NOL4: variants seen among roughly 807,000 people sequenced by gnomAD.
The protein encoded by NOL4 is nucleolar protein 4.
A neutral mutation model predicts 75.9 loss-of-function variants in NOL4; 17 were observed. That is an observed-to-expected ratio of 0.22 (90% CI 0.15 to 0.34). The LOEUF (loss-of-function observed/expected upper bound fraction) is 0.34. NOL4 is among the 10% of genes least tolerant of loss of function. NOL4 has a pLI of 1.00. For synonymous variants in NOL4, 292 were observed against 289.9 expected (o/e 1.01, Z -0.07); for missense variants, 614 against 793.5 (o/e 0.77, Z 2.72).
At chr18:33,953,105 G>A (rs998328810) in intron 8 of NOL4, among the ~76,000 whole-genome samples, 2 of 151,738 alleles carry the variant, frequency 1.3e-5, no homozygotes, top group Non-Finnish European at 2.9e-5. Flanking sequence ...ATTCTAGGTA[G>A]GAAGGGAAAG....
At chr18:33,942,302 T>A (rs944335361) in intron 9 of NOL4, among the ~76,000 whole-genome samples, 4 of 151,906 alleles carry the variant, frequency 2.6e-5, no homozygotes, top group Non-Finnish European at 5.9e-5. Flanking sequence ...GAATATTTAG[T>A]ATATCATGTG....
chr18:34,080,330 A>C (rs188957810), intron 5 of NOL4, among the ~76,000 whole-genome samples: 1 of 152,328 alleles, frequency 6.6e-6, no homozygotes, highest in African/African-American at 2.4e-5. Flanking sequence ...ATTACATATC[A>C]TCTGCAAGAT....
intron 1 of NOL4, among the ~76,000 whole-genome samples, chr18:34,175,070 G>A (rs4450476): frequency 0.2 from 30,602 of 152,060 alleles, 3,260 homozygotes; most frequent in Middle Eastern, 0.24. Flanking sequence ...TCATTCTACT[G>A]TAAAGAACAC....
rs77497108 is a variant in NOL4 at position 34,118,330 on chromosome 18, T to C, written c.414+11541A>G. Among the ~76,000 whole-genome samples the C allele has an allele frequency of 3.3e-3, 500 of 152,288 alleles. 5 individuals carry two copies. Among genetic ancestry groups the C allele is most frequent in the African/African-American group, 0.012 (482 of 41,584 alleles). ...TCATGGATAAAGAATAAATTAGAAATAATCTCCTAGTGAAATTTTTTTATC... is the reference window on the plus strand; with the variant it reads ...TCATGGATAAAGAATAAATTAGAAACAATCTCCTAGTGAAATTTTTTTATC... On this transcript the variant is annotated intron_variant, in intron 2 of 10. Coordinates refer to ENST00000261592, the MANE Select transcript of NOL4 (RefSeq NM_003787.5).
intron 5 of NOL4, among the ~76,000 whole-genome samples, chr18:34,058,447 C>A (rs923526127): frequency 6.6e-6 from 1 of 152,100 alleles, no homozygotes; most frequent in African/African-American, 2.4e-5. Flanking sequence ...TTATTTCTAA[C>A]TCTTTGTTTT....
At chr18:34,161,067 G>T (rs1016505946) in intron 1 of NOL4, among the ~76,000 whole-genome samples, 5 of 152,110 alleles carry the variant, frequency 3.3e-5, no homozygotes, top group Non-Finnish European at 5.9e-5. Flanking sequence ...AGAATACGTG[G>T]TATTTATCTT....
In NOL4 at chr18:34,217,938, A is replaced by G. The variant is rs1201318601; in HGVS notation, c.264+5052T>C. Among the ~76,000 whole-genome samples the G allele has an allele frequency of 4.6e-5, 7 of 152,246 alleles. 1 individual carries two copies. The East Asian group carries it at 1.4e-3, about 29-fold the overall frequency. On this transcript the variant is annotated intron_variant, in intron 1 of 10. Transcript: ENST00000261592. ...CAGAACTCCAGTAAACGTCAGAGCC[A>G]GGATTTAAATTGTGCTGTAAAATCA... is the stretch of plus-strand genomic sequence containing the variant.
chr18:34,072,138 G>A (rs1464758135), intron 5 of NOL4, among the ~76,000 whole-genome samples: 3 of 152,084 alleles, frequency 2.0e-5, no homozygotes, highest in East Asian at 1.9e-4. Context: ...GGCTAAGGCA[G>A]GAGAATCGCC....
chr18:33,938,734 C>T (rs2145512904), intron 9 of NOL4, among the ~76,000 whole-genome samples: 1 of 152,228 alleles, frequency 6.6e-6, no homozygotes, highest in East Asian at 1.9e-4. Flanking sequence ...GTTGCTTGTT[C>T]ACTCTGATGA....
chr18:34,203,713 T>TCACACACA (rs1408909635), intron 1 of NOL4, among the ~76,000 whole-genome samples: 13 of 62,686 alleles, frequency 2.1e-4, no homozygotes, highest in South Asian at 1.4e-3. Flanking sequence ...TCTCTCTCTC[T>TCACACACA]CTCTCACACA....
chr18:33,932,224 AT>A (rs1568082745), intron 9 of NOL4, among the ~76,000 whole-genome samples: 2 of 151,990 alleles, frequency 1.3e-5, no homozygotes, highest in Non-Finnish European at 2.9e-5. Flanking sequence ...TTTTATATAT[AT>A]TTTTTAATTG....
At chr18:33,887,229 A>G (rs1279704450) in intron 9 of NOL4, among the ~76,000 whole-genome samples, 1 of 149,954 alleles carries the variant, frequency 6.7e-6, no homozygotes, top group Non-Finnish European at 1.5e-5. Flanking sequence ...AAAATAAATC[A>G]CAGAAATCCC....
chr18:34,168,452 A>G (rs1052711914), intron 1 of NOL4, among the ~76,000 whole-genome samples: 2 of 151,674 alleles, frequency 1.3e-5, no homozygotes, highest in African/African-American at 2.4e-5. Flanking sequence ...GGGGGAAAAA[A>G]GGTCTGCAGA....
intron 9 of NOL4, among the ~76,000 whole-genome samples, chr18:33,890,488 T>C (rs1250807130): frequency 6.6e-6 from 1 of 152,180 alleles, no homozygotes; most frequent in African/African-American, 2.4e-5. Context: ...CCCATCAAGC[T>C]ACCAATGACT....
At chr18:33,882,860 G>C (rs1229964477) in intron 10 of NOL4, among the ~76,000 whole-genome samples, 1 of 151,818 alleles carries the variant, frequency 6.6e-6, no homozygotes, top group Non-Finnish European at 1.5e-5. Flanking sequence ...TATACACCAT[G>C]GAATACTATG....
chr18:33,854,490 T>C (rs1000488674), intron 10 of NOL4, among the ~76,000 whole-genome samples: 1 of 152,110 alleles, frequency 6.6e-6, no homozygotes, highest in Non-Finnish European at 1.5e-5. Context: ...AGATGTGCGA[T>C]GTCACATTTG....
At chr18:34,012,023 T>C (rs1227703859) in intron 6 of NOL4, among the ~76,000 whole-genome samples, 1 of 152,066 alleles carries the variant, frequency 6.6e-6, no homozygotes, top group East Asian at 1.9e-4. Context: ...AGATATAAAA[T>C]GTGAAATGAA....
At chr18:34,033,418 A>T (rs2075737483) in intron 5 of NOL4, among the ~76,000 whole-genome samples, 1 of 152,048 alleles carries the variant, frequency 6.6e-6, no homozygotes, top group African/African-American at 2.4e-5. Flanking sequence ...ATACATTTGA[A>T]AGCTTCAGCA....
intron 5 of NOL4, 114 bp from the exon 6 acceptor site, chr18:34,019,715 T>TAA: frequency 4.7e-6 from 4 of 857,688 alleles, no homozygotes; most frequent in Non-Finnish European, 7.1e-6. Flanking sequence ...ATACAATATG[T>TAA]AATTCATCCT....
Sources: gnomAD v4.1 joint callset for allele counts (sites outside exome capture counted in the v4.1 genomes callset) on GRCh38, gnomAD v4.1.1 for gene constraint, MANE v1.5 for transcripts, NCBI Gene and HGNC (gene_info 2026-07-23, HGNC 2026-07-21) for gene names.